The following MYO1A variants were observed in gnomAD, a reference collection of about 807,000 sequenced individuals.
The protein encoded by MYO1A is unconventional myosin-Ia.
In MYO1A, 127 loss-of-function variants were observed where a neutral mutation model predicts 138.5. That is an observed-to-expected ratio of 0.92 (90% confidence interval 0.79 to 1.06). MYO1A has a LOEUF of 1.06. Among genes scored for constraint, MYO1A ranks in the 50% least tolerant of loss-of-function variants. MYO1A has a pLI of 0.00. For missense variants in MYO1A, 1,211 were observed against 1,288.8 expected (o/e 0.94, Z 0.92); for synonymous variants, 477 against 497.5 (o/e 0.96, Z 0.55).
intron 22 of MYO1A, among the ~76,000 whole-genome samples, chr12:57,032,648 A>C (rs2030340672): frequency 6.6e-6 from 1 of 151,956 alleles, no homozygotes; most frequent in African/African-American, 2.4e-5. Flanking sequence ...GCACCACTGC[A>C]CTCCAGCTTG....
rs765145177 is a variant in MYO1A at position 57,029,880 on chromosome 12, C to T, written c.2592-8G>A. 24 of 1,614,172 alleles carry T rather than the reference C, an allele frequency of 1.5e-5. No individual in the cohort carries two copies. Among genetic ancestry groups the T allele is most frequent in the Non-Finnish European group, 1.9e-5 (23 of 1,180,018 alleles). ...CAGAATGGAATGGGGACACTGAGAA[C>T]ACATGGGAGGTGTGCAGCGCGACAA... is the stretch of plus-strand genomic sequence containing the variant. On this transcript the variant is annotated splice_polypyrimidine_tract_variant and splice_region_variant and intron_variant, in intron 24 of 27. Coordinates refer to ENST00000300119, the MANE Select transcript of MYO1A (RefSeq NM_005379.4).
In MYO1A at chr12:57,047,747, C is replaced by A. The variant is rs1368373463; in HGVS notation, c.231-26G>T. 1.9e-6 allele frequency: 3 copies of A among 1,613,642 alleles called. No homozygotes were observed. In the African/African-American group the frequency reaches 4.0e-5, roughly 22 times the overall value. On this transcript the variant is annotated intron_variant, in intron 3 of 27. Transcript: ENST00000300119. ...CTTGTGGGGAGGAAGTGGGCAATGA[C>A]TATTGTGAAACCAGTTCAAGACACC...
At chr12:57,030,177 G>A (rs1592468617) in intron 24 of MYO1A, 33 bp downstream of exon 24, 1 of 1,561,294 alleles carries the variant, frequency 6.4e-7, no homozygotes, top group Non-Finnish European at 8.8e-7. Flanking sequence ...CTGCGTGATG[G>A]AACTGGCTGT....
intron 14 of MYO1A, among the ~76,000 whole-genome samples, chr12:57,040,378 G>T (rs1565645032): frequency 6.6e-6 from 1 of 152,134 alleles, no homozygotes; most frequent in Non-Finnish European, 1.5e-5. Flanking sequence ...ATATGCGTAA[G>T]GACTTCTGGA....
chr12:57,035,872 T>C (rs1010214873), intron 22 of MYO1A, among the ~76,000 whole-genome samples: 3 of 152,194 alleles, frequency 2.0e-5, no homozygotes, highest in African/African-American at 7.2e-5. Context: ...TCAGAGGAAG[T>C]AGAAGGAAGA....
intron 22 of MYO1A, among the ~76,000 whole-genome samples, chr12:57,032,979 A>C (rs1273469072): frequency 6.6e-6 from 1 of 152,208 alleles, no homozygotes; most frequent in Admixed American, 6.5e-5. Context: ...ACCTTGCACT[A>C]TCTGTGTGCT....
chr12:57,045,593 T>C (rs2136456579), intron 8 of MYO1A, among the ~76,000 whole-genome samples: 1 of 152,276 alleles, frequency 6.6e-6, no homozygotes, highest in South Asian at 2.1e-4. Flanking sequence ...CAGGGGTTCC[T>C]GAAGATCACA....
rs956960371 is a variant in MYO1A, at chr12:57,028,850, C to A, written c.3037G>T (p.Ala1013Ser). The change falls in exon 28 of 28, where the codon GCT (alanine) becomes TCT (serine). Residue 1013 changes from alanine to serine, a missense_variant. Coordinates refer to ENST00000300119, the MANE Select transcript of MYO1A (RefSeq NM_005379.4). ...GCAGGGCCCTGGACGACCTTGACAGCCACACTGTTCTCCTTGAACCTCACT... is the reference window on the plus strand; with the variant it reads ...GCAGGGCCCTGGACGACCTTGACAGACACACTGTTCTCCTTGAACCTCACT... ...FSVRFKENSV[A>S]VKVVQGPAGG... 2.5e-6 allele frequency: 4 copies of A among 1,614,028 alleles called. No homozygotes were observed. The highest frequency in any genetic ancestry group is 2.5e-6 in the Non-Finnish European group (3 of 1,179,986).
At chr12:57,039,384 T>C (rs1438216287) in intron 14 of MYO1A, 110 bp from the exon 15 acceptor site, 2 of 832,796 alleles carry the variant, frequency 2.4e-6, no homozygotes, top group African/African-American at 1.7e-5. Flanking sequence ...GAAAGCCCCA[T>C]AGTTCACAGG....
rs1295386929 is a variant in MYO1A at position 57,038,793 on chromosome 12, A to G, written c.1533+16T>C. 6.2e-7 allele frequency: 1 copy of G among 1,614,082 alleles called. No homozygotes were observed. Among genetic ancestry groups the G allele is most frequent in the South Asian group, 1.1e-5 (1 of 91,064 alleles). On this transcript the variant is annotated intron_variant, in intron 16 of 27. Coordinates refer to ENST00000300119, the MANE Select transcript of MYO1A (RefSeq NM_005379.4). ...GCCTGAGCCCTAATCTCTGCCCTCCAGCCCTGCCATTTCACCTTGCCCGCA... is the reference window on the plus strand; with the variant it reads ...GCCTGAGCCCTAATCTCTGCCCTCCGGCCCTGCCATTTCACCTTGCCCGCA...
chr12:57,034,384 T>A (rs2030429791), intron 22 of MYO1A, among the ~76,000 whole-genome samples: 1 of 152,150 alleles, frequency 6.6e-6, no homozygotes, highest in South Asian at 2.1e-4. Flanking sequence ...CAAAAGATAA[T>A]GGGTAAGGCC....
At chr12:57,037,477 C>T (rs983484362) in intron 19 of MYO1A, 71 bp downstream of exon 19, 1 of 1,336,624 alleles carries the variant, frequency 7.5e-7, no homozygotes, top group Admixed American at 1.7e-5. Flanking sequence ...GCTCCCTCCC[C>T]CTCCAGCCTT....
intron 14 of MYO1A, among the ~76,000 whole-genome samples, chr12:57,039,987 T>C (rs1210193554): frequency 6.6e-6 from 1 of 152,214 alleles, no homozygotes; most frequent in African/African-American, 2.4e-5. Flanking sequence ...CCAAAGATAA[T>C]CGTTCTCTAC....
At chr12:57,031,280 G>T in intron 22 of MYO1A, 106 bp from the exon 23 acceptor site, 1 of 1,401,298 alleles carries the variant, frequency 7.1e-7, no homozygotes, top group African/African-American at 1.4e-5. Context: ...TTAACCCACA[G>T]TGAGAAGCAA....
chr12:57,046,395 G>A (rs1012514670), intron 8 of MYO1A, among the ~76,000 whole-genome samples, 157 bp downstream of exon 8: 1 of 152,096 alleles, frequency 6.6e-6, no homozygotes, highest in African/African-American at 2.4e-5. Context: ...ATGAGTGGGT[G>A]AGGCTGAGAA....
At position 57,041,289 on chromosome 12, in the gene MYO1A, C is replaced by T. The variant is rs772325966; in HGVS notation, c.1165-1G>A. On this transcript the variant is annotated splice_acceptor_variant, in intron 13 of 27. Transcript: ENST00000300119. LOFTEE classifies it high-confidence loss of function. ...TCACAAATTGCTCAAAGCTATTATC[C>T]TGAGAGAGGGAGCACAGGTTAGAGA... 2 of 1,613,720 alleles carry T rather than the reference C, an allele frequency of 1.2e-6. No individual in the cohort carries two copies. Among genetic ancestry groups the T allele is most frequent in the Non-Finnish European group, 1.7e-6 (2 of 1,179,656 alleles).
At chr12:57,029,315 C>T (rs981713735) in intron 26 of MYO1A, 56 bp from the exon 27 acceptor site, 2 of 1,613,358 alleles carry the variant, frequency 1.2e-6, no homozygotes, top group African/African-American at 2.7e-5. Context: ...TTCAGGAGCA[C>T]CTGAGGGACA....
Position 57,039,215 on chromosome 12 carries a change from C to T in MYO1A, c.1329G>A (p.Glu443=), listed in dbSNP as rs376370383. 1 of 1,613,968 alleles carries T rather than the reference C, an allele frequency of 6.2e-7. No individual in the cohort carries two copies. Among genetic ancestry groups the T allele is most frequent in the Non-Finnish European group, 8.5e-7 (1 of 1,179,824 alleles). ...AGATAAGAGAATGACAACTCACATG[C>T]TCAATGAGCTTACAAATGATGCCAT... ...FDNGIICKLI[E]HNQRGILAML... Residue 443 remains glutamate (E), a synonymous_variant, in exon 15 of 28, where the codon GAG becomes GAA. Coordinates refer to ENST00000300119, the MANE Select transcript of MYO1A (RefSeq NM_005379.4).
In MYO1A at chr12:57,029,790, G is replaced by T. The variant is rs1565639609; in HGVS notation, c.2674C>A (p.Pro892Thr). The T allele has an allele frequency of 6.2e-7, 1 of 1,614,138 alleles. No homozygotes were observed. The highest frequency in any genetic ancestry group is 1.7e-5 in the Admixed American group (1 of 60,018). ...LQKLKGGEEG[P>T]VLMAEAVKKV... Reference sequence around the variant, plus strand: ...TTCACGGCCTCTGCCATCAGAACAGGCCCCTCCTCCCCGCCTTTCAGCTTC... The same window carrying T: ...TTCACGGCCTCTGCCATCAGAACAGTCCCCTCCTCCCCGCCTTTCAGCTTC... The change falls in exon 25 of 28, where the codon CCT (proline) becomes ACT (threonine). Residue 892 changes from proline (P) to threonine (T), a missense_variant. By Grantham distance (38) the Pro-to-Thr change is conservative. Transcript: ENST00000300119.
Sources: gnomAD v4.1 joint callset for allele counts (sites outside exome capture counted in the v4.1 genomes callset) on GRCh38, gnomAD v4.1.1 for gene constraint, MANE v1.5 for transcripts, NCBI Gene and HGNC (gene_info 2026-07-23, HGNC 2026-07-21) for gene names.